The following PTGER4 variants were observed in gnomAD, a reference collection of about 807,000 sequenced individuals.
The protein encoded by PTGER4 is prostaglandin E2 receptor EP4 subtype.
In PTGER4, 11 loss-of-function variants were observed where a neutral mutation model predicts 33.2. The ratio of observed to expected loss-of-function variants is 0.33; its 90% CI spans 0.21 to 0.55. The LOEUF (loss-of-function observed/expected upper bound fraction) is 0.55, where lower values mean the gene tolerates loss of function less well. PTGER4 is among the 20% of genes least tolerant of loss of function. The probability of loss-of-function intolerance (pLI) is 0.92; values close to 1 mark genes in which losing one functional copy is unlikely to be tolerated. For missense variants in PTGER4, 481 were observed against 650.2 expected (o/e 0.74, Z 2.83); for synonymous variants, 275 against 281.5 (o/e 0.98, Z 0.23).
intron 2 of PTGER4, among the ~76,000 whole-genome samples, chr5:40,690,030 AATC>A (rs1741430523): frequency 6.6e-6 from 1 of 152,142 alleles, no homozygotes; most frequent in South Asian, 2.1e-4. Context: ...GGCAAAAAAA[AATC>A]ATAATACTTT....
the PTGER4 span, among the ~76,000 whole-genome samples, chr5:40,720,659 T>A: frequency 1.3e-5 from 2 of 152,004 alleles, no homozygotes; most frequent in African/African-American, 4.8e-5. Context: ...ATACACCAAT[T>A]CAGCAACAAT....
chr5:40,687,592 A>G (rs778380101), intron 2 of PTGER4, among the ~76,000 whole-genome samples: 2 of 152,192 alleles, frequency 1.3e-5, no homozygotes, highest in African/African-American at 2.4e-5. Flanking sequence ...AGGTTGCTCT[A>G]TGTTTTCAAA....
the PTGER4 span, among the ~76,000 whole-genome samples, chr5:40,718,414 T>A: frequency 1.3e-5 from 2 of 149,210 alleles, no homozygotes; most frequent in Admixed American, 6.7e-5. Flanking sequence ...TCAAAAAAAA[T>A]AAATAAATAA....
At chr5:40,708,909 T>C in the PTGER4 span, among the ~76,000 whole-genome samples, 112 of 152,256 alleles carry the variant, frequency 7.4e-4, 1 homozygote, top group South Asian at 0.022. Context: ...ATCCAGCATA[T>C]AAACAGAACC....
chr5:40,687,327 G>T (rs1306386473), intron 2 of PTGER4, among the ~76,000 whole-genome samples: 2 of 152,202 alleles, frequency 1.3e-5, no homozygotes, highest in African/African-American at 4.8e-5. Context: ...TTACAGGCAT[G>T]AGCCACCATG....
chr5:40,715,900 T>A, the PTGER4 span: 2 of 394,146 alleles, frequency 5.1e-6, no homozygotes, highest in South Asian at 1.8e-4. Flanking sequence ...CAGATTAAAC[T>A]AAGTTTATTA....
the PTGER4 span, among the ~76,000 whole-genome samples, chr5:40,718,991 A>G: frequency 0.017 from 2,623 of 152,346 alleles, 76 homozygotes; most frequent in African/African-American, 0.06. Flanking sequence ...CCACCTATAT[A>G]GAAGTGTTAA....
the PTGER4 span, among the ~76,000 whole-genome samples, chr5:40,741,760 C>T: frequency 1.1e-3 from 164 of 152,220 alleles, no homozygotes; most frequent in Middle Eastern, 3.4e-3. Flanking sequence ...TGGCCAAGAA[C>T]GCCAGATTAC....
chr5:40,697,856 A>C (rs1230323318), downstream of PTGER4, among the ~76,000 whole-genome samples: 1 of 151,692 alleles, frequency 6.6e-6, no homozygotes, highest in Non-Finnish European at 1.5e-5. Context: ...AGTCAGGTAC[A>C]GCGGCTCACA....
At chr5:40,689,182 T>C (rs1260903480) in intron 2 of PTGER4, among the ~76,000 whole-genome samples, 1 of 152,196 alleles carries the variant, frequency 6.6e-6, no homozygotes, top group Non-Finnish European at 1.5e-5. Context: ...GCTGCCAAAA[T>C]AAGTTTAGGT....
downstream of PTGER4, among the ~76,000 whole-genome samples, chr5:40,697,196 A>AAAAG (rs201437236): frequency 5.5e-5 from 8 of 144,428 alleles, 1 homozygote; most frequent in African/African-American, 1.8e-4. Flanking sequence ...AGAAAGAAAG[A>AAAAG]AAAGAAAGAA....
the PTGER4 span, among the ~76,000 whole-genome samples, chr5:40,742,547 G>GC: frequency 4.2e-3 from 635 of 152,250 alleles, 3 homozygotes; most frequent in African/African-American, 0.015. Flanking sequence ...TGGCACTAAT[G>GC]CCAGACCATA....
At chr5:40,715,115 T>C in the PTGER4 span, 1 of 152,076 alleles carries the variant, frequency 6.6e-6, no homozygotes, top group Non-Finnish European at 1.5e-5. Flanking sequence ...TATTTATTCA[T>C]TGGCACTCTA....
At chr5:40,724,342 T>C in the PTGER4 span, among the ~76,000 whole-genome samples, 1 of 151,788 alleles carries the variant, frequency 6.6e-6, no homozygotes, top group Non-Finnish European at 1.5e-5. Context: ...ACTCAAAAAG[T>C]AAAATTGTGA....
At chr5:40,724,581 C>T in the PTGER4 span, among the ~76,000 whole-genome samples, 2 of 150,862 alleles carry the variant, frequency 1.3e-5, no homozygotes, top group Non-Finnish European at 3.0e-5. Context: ...TGAAGTGAGC[C>T]GAGATCACAC....
Position 40,680,980 on chromosome 5 carries a change from C to A in PTGER4, c.-14C>A, listed in dbSNP as rs1002274196. 5.0e-6 allele frequency: 8 copies of A among 1,595,114 alleles called. No individual in the cohort carries two copies. In the African/African-American group the frequency reaches 9.4e-5, roughly 19 times the overall value. On this transcript the variant is annotated 5_prime_UTR_variant, in exon 2 of 3. Transcript: ENST00000302472. This position sits in a 1 kb window ranked among gnomAD's most constrained non-coding sequence, Gnocchi z 5.5. ...AGCCTTGCACTCCAAGGCTGCGCAC[C>A]GCCAGCCACTATCATGTCCACTCCC...
intron 2 of PTGER4, among the ~76,000 whole-genome samples, chr5:40,684,622 G>A (rs1365431428): frequency 6.6e-6 from 1 of 152,170 alleles, no homozygotes; most frequent in Non-Finnish European, 1.5e-5. Context: ...AGTTAAGATT[G>A]GAGTGGAAAT....
intron 2 of PTGER4, among the ~76,000 whole-genome samples, chr5:40,688,264 G>A (rs149726861): frequency 6.0e-4 from 92 of 152,148 alleles, no homozygotes; most frequent in African/African-American, 2.1e-3. Flanking sequence ...TGCGAGTCTC[G>A]GAGATGGCTT....
At chr5:40,696,707 C>G (rs1004042433), downstream of PTGER4, 7 of 984,706 alleles carry the variant, frequency 7.1e-6, no homozygotes. Context: ...ACACCAGTCA[C>G]TTTTCCTAAG....
Sources: gnomAD v4.1 joint callset for allele counts (sites outside exome capture counted in the v4.1 genomes callset) on GRCh38, gnomAD v4.1.1 for gene constraint, Gnocchi (gnomAD v3.1) non-coding constraint, MANE v1.5 for transcripts, NCBI Gene and HGNC (gene_info 2026-07-23, HGNC 2026-07-21) for gene names.